NOS1: variants seen among roughly 807,000 people sequenced by gnomAD.
The protein encoded by NOS1 is NOS type I.
A neutral mutation model predicts 164.5 loss-of-function variants in NOS1; 51 were observed. The observed-to-expected ratio is 0.31, with a 90% CI of 0.25 to 0.39. NOS1 has a LOEUF of 0.39. Ranked by LOEUF, NOS1 falls within the 10% of genes least tolerant of loss-of-function variation. The probability of loss-of-function intolerance (pLI) is 1.00; values close to 1 mark genes in which losing one functional copy is unlikely to be tolerated. For missense variants in NOS1, 1,362 were observed against 1,885.6 expected (o/e 0.72, Z 5.14); for synonymous variants, 719 against 745.8 (o/e 0.96, Z 0.59).
chr12:117,255,939 TG>T, intron 16 of NOS1: 1 of 1,493,638 alleles, frequency 6.7e-7, no homozygotes, highest in Non-Finnish European at 8.9e-7. Context: ...ACTCTACCTG[TG>T]CTGGCTGTCA....
chr12:117,266,501 T>C (rs1465997591), intron 11 of NOS1, among the ~76,000 whole-genome samples: 1 of 152,130 alleles, frequency 6.6e-6, no homozygotes, highest in African/African-American at 2.4e-5. Flanking sequence ...TGTGCAAGTA[T>C]CTTTTTTGTA....
At chr12:117,283,502 A>C (rs1377715290) in intron 7 of NOS1, among the ~76,000 whole-genome samples, 1 of 152,160 alleles carries the variant, frequency 6.6e-6, no homozygotes, top group Non-Finnish European at 1.5e-5. Flanking sequence ...AAAAAAGTGG[A>C]GGTGCACTGC....
chr12:117,231,066 C>T (rs1869168057), intron 22 of NOS1, among the ~76,000 whole-genome samples: 1 of 152,012 alleles, frequency 6.6e-6, no homozygotes, highest in Non-Finnish European at 1.5e-5. Flanking sequence ...GTGGCTCATG[C>T]CTGTAATCCC....
intron 3 of NOS1, chr12:117,305,201 G>A (rs1404193003): frequency 8.4e-6 from 4 of 476,572 alleles, no homozygotes; most frequent in Non-Finnish European, 8.2e-6. Flanking sequence ...GGTGGCTCAC[G>A]CCTGTAATCT....
chr12:117,285,388 C>G (rs1036288879), intron 6 of NOS1, 56 bp from the exon 7 acceptor site: 1 of 1,205,664 alleles, frequency 8.3e-7, no homozygotes, highest in Admixed American at 1.9e-5. Context: ...CCAGCTCCCC[C>G]AGCGCAATCT....
At position 117,330,214 on chromosome 12, in the gene NOS1, C is replaced by A; in HGVS notation, c.725+131G>T. 1 of 1,376,744 alleles carries A rather than the reference C, an allele frequency of 7.3e-7. No homozygotes were observed. The highest frequency in any genetic ancestry group is 1.9e-5 in the South Asian group (1 of 52,576). 85.3% of individuals were successfully genotyped at this position (1,376,744 alleles called of 1,614,324 possible). On this transcript the variant is annotated intron_variant, in intron 2 of 28. Coordinates refer to ENST00000317775, the MANE Select transcript of NOS1 (RefSeq NM_000620.5). The surrounding 1 kb of genome is among the most constrained non-coding windows in gnomAD (Gnocchi z 4.6). Reference sequence around the variant, plus strand: ...TCAAGGGGGCCGTCAAGTGGTTATGCAAAAACAGGTATCTGAGACAGCCCA... The same window carrying A: ...TCAAGGGGGCCGTCAAGTGGTTATGAAAAAACAGGTATCTGAGACAGCCCA...
chr12:117,243,575 A>ATCCC lies in NOS1; in HGVS notation c.2824-141_2824-140insGGGA. 1.2e-6 allele frequency: 1 copy of ATCCC among 853,512 alleles called. No individual in the cohort carries two copies. The highest frequency in any genetic ancestry group is 1.8e-6 in the Non-Finnish European group (1 of 552,994). The allele number at this position is 853,512 out of a possible 1,614,324, so 52.9% of individuals were successfully genotyped here. A position where few individuals can be genotyped will look rare whatever the true frequency, so the allele number is the denominator to read the frequency against. ...CATCCATCCATCCATCCATCCATCC[A>ATCCC]TCCATCCATCCATCCAGTAACCCTT... On this transcript the variant is annotated intron_variant, in intron 18 of 28. Coordinates refer to ENST00000317775, the MANE Select transcript of NOS1 (RefSeq NM_000620.5). This position sits in a 1 kb window ranked among gnomAD's most constrained non-coding sequence, Gnocchi z 4.3.
At chr12:117,350,794 C>T (rs1012904672) in intron 1 of NOS1, among the ~76,000 whole-genome samples, 5 of 152,114 alleles carry the variant, frequency 3.3e-5, no homozygotes, top group Non-Finnish European at 7.4e-5. Context: ...TCTGGGCTCC[C>T]GAAGAGGCTG....
intron 3 of NOS1, among the ~76,000 whole-genome samples, chr12:117,292,812 T>C (rs1292439314): frequency 2.0e-5 from 3 of 152,158 alleles, no homozygotes; most frequent in Admixed American, 6.6e-5. Context: ...ACCAAGACTA[T>C]AGTGACAAGC....
At chr12:117,254,324 C>G (rs1871292056) in intron 16 of NOS1, among the ~76,000 whole-genome samples, 1 of 152,190 alleles carries the variant, frequency 6.6e-6, no homozygotes, top group Non-Finnish European at 1.5e-5. Flanking sequence ...CCAGGCTGGT[C>G]TCAAACTCCT....
intron 17 of NOS1, among the ~76,000 whole-genome samples, chr12:117,251,930 G>T (rs894627430): frequency 6.8e-6 from 1 of 146,938 alleles, no homozygotes; most frequent in Non-Finnish European, 1.5e-5. Context: ...ACAGGGTTTT[G>T]CTATGTTGCC....
chr12:117,357,510 C>T (rs1241629048), intron 1 of NOS1, among the ~76,000 whole-genome samples: 1 of 152,234 alleles, frequency 6.6e-6, no homozygotes, highest in African/African-American at 2.4e-5. Flanking sequence ...AGTCAAGACA[C>T]TGAGGTTCTA....
rs565032444 is a variant in NOS1, at chr12:117,328,646, C to A, written c.725+1699G>T. 2.4e-3 allele frequency among the ~76,000 whole-genome samples: 361 copies of A among 152,256 alleles called. 2 individuals are homozygous for A. The highest frequency in any genetic ancestry group is 8.2e-3 in the African/African-American group (340 of 41,556). ...GTGGCGCAATCTCAGCTCACTGCAA[C>A]CTCTGCCTCCCGGGTCCAAGTGATT... is the stretch of plus-strand genomic sequence containing the variant. On this transcript the variant is annotated intron_variant, in intron 2 of 28. Transcript: ENST00000317775.
intron 28 of NOS1, 135 bp from the exon 29 acceptor site, chr12:117,215,459 C>T (rs530808542): frequency 1.1e-4 from 119 of 1,090,634 alleles, no homozygotes; most frequent in African/African-American, 7.0e-4. Flanking sequence ...TTTTTTGAGA[C>T]GGAGTTTCGC....
In NOS1 at chr12:117,208,292, G is replaced by C; in HGVS notation, c.*7017C>G. On this transcript the variant is annotated 3_prime_UTR_variant, in exon 29 of 29. Transcript: ENST00000317775. Reference sequence around the variant, plus strand: ...ACCTCGCAAAGAGCGTGGGGTGGGCGTCAGTCCTTCAAGGAAGGTGCTGGA... The same window carrying C: ...ACCTCGCAAAGAGCGTGGGGTGGGCCTCAGTCCTTCAAGGAAGGTGCTGGA... 6 of 1,289,026 alleles carry C rather than the reference G, an allele frequency of 4.7e-6. No homozygotes were observed. The highest frequency in any genetic ancestry group is 5.1e-6 in the Non-Finnish European group (5 of 988,596). The allele number at this position is 1,289,026 out of a possible 1,614,324, so 79.8% of individuals were successfully genotyped here.
Position 117,209,127 on chromosome 12 carries a change from C to T in NOS1, c.*6182G>A. ...TAATGGAAACAACCACTGGGCTAGG[C>T]AAAGTTTCTGCTGCGTGCTCCAGGA... On this transcript the variant is annotated 3_prime_UTR_variant, in exon 29 of 29. Coordinates refer to ENST00000317775, the MANE Select transcript of NOS1 (RefSeq NM_000620.5). The T allele has an allele frequency of 1.0e-6, 1 of 985,404 alleles. No individual in the cohort carries two copies. Among genetic ancestry groups the T allele is most frequent in the Non-Finnish European group, 1.2e-6 (1 of 829,952 alleles). The allele number at this position is 985,404 out of a possible 1,614,324, so 61.0% of individuals were successfully genotyped here.
In NOS1 at chr12:117,266,089, G is replaced by A. The variant is rs9658394; in HGVS notation, c.1942-579C>T. On this transcript the variant is annotated intron_variant, in intron 11 of 28. Coordinates refer to ENST00000317775, the MANE Select transcript of NOS1 (RefSeq NM_000620.5). ...GCTGGGATTACAGGTGTGAGCCACC[G>A]TGCCCGGCCTTTTTCTTTTTCTATT... Among the ~76,000 whole-genome samples the A allele has an allele frequency of 7.2e-4, 109 of 152,002 alleles. 2 individuals are homozygous for A. Among genetic ancestry groups the A allele is most frequent in the Admixed American group, 5.1e-3 (78 of 15,250 alleles).
chr12:117,223,324 C>T (rs1256882998), intron 25 of NOS1, among the ~76,000 whole-genome samples: 3 of 150,614 alleles, frequency 2.0e-5, no homozygotes, highest in African/African-American at 7.3e-5. Flanking sequence ...GTGCGTGGCA[C>T]GACCTCGGCT....
At chr12:117,285,747 G>A (rs901311644) in intron 6 of NOS1, among the ~76,000 whole-genome samples, 45 of 152,152 alleles carry the variant, frequency 3.0e-4, no homozygotes, top group African/African-American at 1.0e-3. Context: ...AAATAAAATC[G>A]TAACCAAGGG....
Sources: allele counts gnomAD v4.1 joint callset (sites outside exome capture counted in the v4.1 genomes callset), GRCh38; gene constraint gnomAD v4.1.1; non-coding constraint Gnocchi (gnomAD v3.1); transcripts MANE v1.5; gene names NCBI Gene and HGNC (gene_info 2026-07-23, HGNC 2026-07-21).